Variants in EPB41L3 observed in about 807,000 individuals in gnomAD.
EPB41L3 encodes erythrocyte membrane protein band 4.1 like 3, also known as band 4.1-like protein 3.
EPB41L3 carries 57 observed loss-of-function variants against 127.1 expected under a neutral mutation model. The ratio of observed to expected loss-of-function variants is 0.45; its 90% CI spans 0.36 to 0.56. EPB41L3 has a LOEUF of 0.56. Ranked by LOEUF, EPB41L3 falls within the 20% of genes least tolerant of loss-of-function variation. The probability of loss-of-function intolerance (pLI) is 0.00; values close to 1 mark genes in which losing one functional copy is unlikely to be tolerated. For synonymous variants in EPB41L3, 572 were observed against 549.5 expected (o/e 1.04, Z -0.57); for missense variants, 1,273 against 1,372.2 (o/e 0.93, Z 1.14).
intron 3 of EPB41L3, among the ~76,000 whole-genome samples, chr18:5,561,589 A>G (rs2094136487): frequency 1.3e-5 from 2 of 152,252 alleles, no homozygotes; most frequent in Admixed American, 1.3e-4. Context: ...TAGTTGTAGT[A>G]TGAATGAAGA....
intron 3 of EPB41L3, among the ~76,000 whole-genome samples, chr18:5,606,766 A>AG: frequency 6.6e-6 from 1 of 152,304 alleles, no homozygotes; most frequent in East Asian, 1.9e-4. Flanking sequence ...CAAGTACTAC[A>AG]GAAGCTCTTG....
chr18:5,525,416 A>G (rs973927152), intron 1 of EPB41L3, among the ~76,000 whole-genome samples: 16 of 152,228 alleles, frequency 1.1e-4, no homozygotes, highest in African/African-American at 2.4e-4. Flanking sequence ...CCCATTTTCT[A>G]TATGCACTAA....
chr18:5,426,379 C>G (rs151064165), intron 9 of EPB41L3, among the ~76,000 whole-genome samples: 105 of 152,196 alleles, frequency 6.9e-4, no homozygotes, highest in Middle Eastern at 6.8e-3. Context: ...GGACTTTTCC[C>G]TCTTTTAATT....
In EPB41L3 at chr18:5,494,315, C is replaced by T. The variant is rs564503479; in HGVS notation, c.-11-5121G>A. On this transcript the variant is annotated intron_variant, in intron 1 of 22. Coordinates refer to ENST00000341928, the MANE Select transcript of EPB41L3 (RefSeq NM_012307.5). Reference sequence around the variant, plus strand: ...GCACTTCCCTCCCTATGCCTAACTCCAATCCACCTCACTCTTGGCAATATC... The same window carrying T: ...GCACTTCCCTCCCTATGCCTAACTCTAATCCACCTCACTCTTGGCAATATC... Among the ~76,000 whole-genome samples, 36 of 152,206 alleles carry T rather than the reference C, an allele frequency of 2.4e-4. No individual in the cohort carries two copies. In the South Asian group the frequency reaches 6.5e-3, roughly 27 times the overall value.
intron 3 of EPB41L3, among the ~76,000 whole-genome samples, chr18:5,551,639 G>C (rs903659625): frequency 2.0e-5 from 3 of 152,096 alleles, no homozygotes; most frequent in Non-Finnish European, 4.4e-5. Flanking sequence ...AGGATCACTT[G>C]AGCCTGGGAG....
chr18:5,473,083 G>A (rs1161638051), intron 3 of EPB41L3, among the ~76,000 whole-genome samples: 2 of 152,104 alleles, frequency 1.3e-5, no homozygotes, highest in Non-Finnish European at 2.9e-5. Context: ...AAGTAATCTA[G>A]GGGCCAGATT....
In EPB41L3 at chr18:5,625,969, C is replaced by A. The variant is rs1177024701; in HGVS notation, c.-468+2953G>T. On this transcript the variant is annotated intron_variant, in intron 1 of 21. Coordinates refer to the EPB41L3 transcript ENST00000545076. Reference sequence around the variant, plus strand: ...CTTTTTTTTTTTTGTCCATTCATGTCTTTTCTCCATTCTGATCTTCATTTA... The same window carrying A: ...CTTTTTTTTTTTTGTCCATTCATGTATTTTCTCCATTCTGATCTTCATTTA... Among the ~76,000 whole-genome samples, 3 of 149,714 alleles carry A rather than the reference C, an allele frequency of 2.0e-5. No homozygotes were observed. The East Asian group carries it at 5.9e-4, about 29-fold the overall frequency.
chr18:5,405,727 G>A (rs1272116881), intron 16 of EPB41L3, among the ~76,000 whole-genome samples: 1 of 151,490 alleles, frequency 6.6e-6, no homozygotes, highest in Non-Finnish European at 1.5e-5. Flanking sequence ...AGGAGGCGGA[G>A]GTCACACCAC....
chr18:5,566,729 ATT>A (rs2094204803), intron 3 of EPB41L3, among the ~76,000 whole-genome samples: 3 of 60,132 alleles, frequency 5.0e-5, no homozygotes, highest in Non-Finnish European at 1.1e-4. Flanking sequence ...ATTCCATTCT[ATT>A]CTATTCTATT....
intron 2 of EPB41L3, 55 bp downstream of exon 2, chr18:5,488,946 G>A (rs1915715881): frequency 4.6e-6 from 7 of 1,514,666 alleles, no homozygotes; most frequent in African/African-American, 1.4e-5. Context: ...GGTTAAAGCC[G>A]ATCCTGGAGC....
chr18:5,623,503 C>T (rs568746145), intron 1 of EPB41L3, among the ~76,000 whole-genome samples: 4 of 152,216 alleles, frequency 2.6e-5, no homozygotes, highest in African/African-American at 9.6e-5. Flanking sequence ...TTTATCCTCT[C>T]AATTTGAAGG....
chr18:5,548,348 T>C (rs1197230334), upstream of EPB41L3, among the ~76,000 whole-genome samples: 3 of 152,216 alleles, frequency 2.0e-5, no homozygotes, highest in Non-Finnish European at 4.4e-5. Context: ...TGAGTTTGTA[T>C]ACCCCATTTC....
At chr18:5,577,654 A>C (rs1311919762) in intron 3 of EPB41L3, 1 of 187,524 alleles carries the variant, frequency 5.3e-6, no homozygotes. Flanking sequence ...ACTGTGCAGC[A>C]TTCTGCAAAG....
chr18:5,510,914 G>T (rs149788396), intron 1 of EPB41L3, among the ~76,000 whole-genome samples: 1 of 152,006 alleles, frequency 6.6e-6, no homozygotes, highest in East Asian at 1.9e-4. Flanking sequence ...TTTAGGAGAG[G>T]AATAAAGGAG....
chr18:5,427,189 T>C (rs1185191638), intron 9 of EPB41L3, among the ~76,000 whole-genome samples: 2 of 152,068 alleles, frequency 1.3e-5, no homozygotes, highest in African/African-American at 4.8e-5. Flanking sequence ...TTTTTTAAAT[T>C]GCATTTTCCA....
At chr18:5,514,702 T>C (rs1275466776) in intron 1 of EPB41L3, among the ~76,000 whole-genome samples, 1 of 152,146 alleles carries the variant, frequency 6.6e-6, no homozygotes, top group Admixed American at 6.6e-5. Flanking sequence ...CTTAGAGGAA[T>C]CATTATCGCT....
chr18:5,594,920 C>A (rs1405536710), intron 3 of EPB41L3, among the ~76,000 whole-genome samples: 2 of 152,094 alleles, frequency 1.3e-5, no homozygotes, highest in African/African-American at 2.4e-5. Context: ...ATCTTTCCCG[C>A]AAGAATTAAT....
At chr18:5,446,329 A>T (rs2146375501) in intron 3 of EPB41L3, among the ~76,000 whole-genome samples, 1 of 152,312 alleles carries the variant, frequency 6.6e-6, no homozygotes, top group Non-Finnish European at 1.5e-5. Context: ...CAGCATCTGG[A>T]GAAAAAGATG....
At chr18:5,500,821 T>C (rs572605538) in intron 1 of EPB41L3, among the ~76,000 whole-genome samples, 2 of 152,316 alleles carry the variant, frequency 1.3e-5, no homozygotes, top group South Asian at 2.1e-4. Context: ...CTAGGAGCCC[T>C]GTAAATTCAA....
Sources: allele counts gnomAD v4.1 joint callset (sites outside exome capture counted in the v4.1 genomes callset), GRCh38; gene constraint gnomAD v4.1.1; transcripts MANE v1.5; gene names NCBI Gene and HGNC (gene_info 2026-07-23, HGNC 2026-07-21).